The following CETP variants were observed in gnomAD, a reference collection of about 807,000 sequenced individuals.
CETP encodes the protein cholesteryl ester transfer protein.
In CETP, 56 loss-of-function variants were observed where a neutral mutation model predicts 66.5. The observed-to-expected ratio is 0.84, with a 90% CI of 0.68 to 1.05. The LOEUF is 1.05. Ranked by LOEUF, CETP falls within the 50% of genes least tolerant of loss-of-function variation. The pLI, the probability that CETP is intolerant of heterozygous loss-of-function variation, is 0.00. For synonymous variants in CETP, 251 were observed against 245.7 expected, an observed-to-expected ratio of 1.02 and a Z score of -0.20; for missense variants, 612 against 609.6, an observed-to-expected ratio of 1.00 and a Z score of -0.04.
At chr16:56,983,136 C>A (rs2056200433) in intron 14 of CETP, among the ~76,000 whole-genome samples, 190 bp from the exon 15 acceptor site, 1 of 152,210 alleles carries the variant, frequency 6.6e-6, no homozygotes, top group African/African-American at 2.4e-5. Flanking sequence ...GCAAGCCCTG[C>A]CGCCAGGCAA....
intron 2 of CETP, among the ~76,000 whole-genome samples, chr16:56,968,189 A>C (rs1417014467): frequency 6.6e-6 from 1 of 151,786 alleles, no homozygotes; most frequent in African/African-American, 2.4e-5. Context: ...ACGTTTTGTC[A>C]ATCTATTTTT....
At chr16:56,975,804 C>T (rs1365414189) in intron 10 of CETP, among the ~76,000 whole-genome samples, 3 of 152,112 alleles carry the variant, frequency 2.0e-5, no homozygotes, top group Non-Finnish European at 4.4e-5. Context: ...CAGCTGCCCC[C>T]TCCTGTCTAC....
chr16:56,977,278 A>C (rs1391405507), intron 10 of CETP, among the ~76,000 whole-genome samples: 1 of 152,068 alleles, frequency 6.6e-6, no homozygotes, highest in East Asian at 1.9e-4. Context: ...CCAGCGGTTC[A>C]GTGGTTTCTT....
chr16:56,978,327 T>A (rs1185773129), intron 11 of CETP, 72 bp downstream of exon 11: 4 of 1,585,794 alleles, frequency 2.5e-6, no homozygotes, highest in Non-Finnish European at 3.5e-6. Context: ...GGCAGGGGCC[T>A]GGGGGTCTCT....
intron 13 of CETP, 47 bp downstream of exon 13, chr16:56,981,727 C>CT: frequency 6.2e-7 from 1 of 1,601,860 alleles, no homozygotes; most frequent in Non-Finnish European, 8.6e-7. Context: ...TGTGGGACCT[C>CT]CTGCCTTAAA....
rs150048432 is a variant in CETP, at chr16:56,983,205, G to A, written c.1322-121G>A. The A allele has an allele frequency of 3.1e-3, 2,426 of 790,600 alleles. 55 individuals are homozygous for A. The highest frequency in any genetic ancestry group is 0.029 in the South Asian group (2,112 of 72,150). The allele number at this position is 790,600 out of a possible 1,614,324, so 49.0% of individuals were successfully genotyped here. A position where few individuals can be genotyped will look rare whatever the true frequency, so the allele number is the denominator to read the frequency against. On this transcript the variant is annotated intron_variant, in intron 14 of 15. Coordinates refer to ENST00000200676, the MANE Select transcript of CETP (RefSeq NM_000078.3). ...TCACTCTGCTAAATCAAAGTGAAAC[G>A]CATGTTTACAGAATATTGGTCCAAA...
chr16:56,964,802 C>G (rs2056054354), intron 2 of CETP, among the ~76,000 whole-genome samples: 1 of 152,232 alleles, frequency 6.6e-6, no homozygotes, highest in Non-Finnish European at 1.5e-5. Flanking sequence ...CGCAGCCACG[C>G]CCTCTGTGTG....
chr16:56,972,962 C>A (rs1354217924), intron 8 of CETP, among the ~76,000 whole-genome samples: 2 of 152,110 alleles, frequency 1.3e-5, no homozygotes, highest in African/African-American at 4.8e-5. Context: ...ATTTTGGCCT[C>A]CAGGAGCCGA....
chr16:56,981,426 GCCAGGAAGA>G (rs2056186964), intron 12 of CETP, among the ~76,000 whole-genome samples: 2 of 5,610 alleles, frequency 3.6e-4, no homozygotes, highest in Non-Finnish European at 1.8e-3. Flanking sequence ...ATGGAGGGCT[GCCAGGAAGA>G]AGGGCCTGGC....
At position 56,983,706 on chromosome 16, in the gene CETP, G is replaced by A. The variant is rs536257929; in HGVS notation, c.*40G>A. On this transcript the variant is annotated 3_prime_UTR_variant, in exon 16 of 16. Coordinates refer to ENST00000200676, the MANE Select transcript of CETP (RefSeq NM_000078.3). The stretch of plus-strand genomic sequence containing the variant: ...GTCGGGATGGGGCTTGTAGCAGAAG[G>A]CAAGCACCAGGCTCACAGCTGGAAC... The A allele has an allele frequency of 9.5e-6, 15 of 1,578,252 alleles. No homozygotes were observed. The highest frequency in any genetic ancestry group is 1.3e-5 in the Non-Finnish European group (15 of 1,147,346).
At chr16:56,963,989 A>ATTTTTTTT (rs1373005791) in intron 2 of CETP, among the ~76,000 whole-genome samples, 1 of 137,322 alleles carries the variant, frequency 7.3e-6, no homozygotes, top group Admixed American at 7.6e-5. Context: ...CTTAATCTTT[A>ATTTTTTTT]TTTTATTTAT....
At chr16:56,969,202 C>T (rs2056089656) in intron 2 of CETP, among the ~76,000 whole-genome samples, 184 bp from the exon 3 acceptor site, 1 of 152,034 alleles carries the variant, frequency 6.6e-6, no homozygotes, top group Non-Finnish European at 1.5e-5. Flanking sequence ...ATGGGTAACA[C>T]GAGTTGAGTG....
chr16:56,978,321 G>A (rs577710261), intron 11 of CETP, 66 bp downstream of exon 11: 3 of 1,598,982 alleles, frequency 1.9e-6, no homozygotes, highest in Non-Finnish European at 2.6e-6. Context: ...GCAGAGGGCA[G>A]GGGCCTGGGG....
chr16:56,981,591 A>G (rs1442696197), intron 12 of CETP, 56 bp from the exon 13 acceptor site: 2 of 1,568,942 alleles, frequency 1.3e-6, no homozygotes, highest in Non-Finnish European at 1.8e-6. Context: ...TTCCCAGGGG[A>G]TGTTACAGGA....
chr16:56,974,975 T>A (rs2056139236), intron 9 of CETP, 126 bp from the exon 10 acceptor site: 2 of 798,116 alleles, frequency 2.5e-6, no homozygotes, highest in East Asian at 5.0e-5. Context: ...ACATGTTGTC[T>A]GGGAGGTTGG....
chr16:56,981,157 G>A lies in CETP; in HGVS notation c.1147-1G>A, dbSNP rs756059239. The A allele has an allele frequency of 1.2e-6, 2 of 1,612,938 alleles. No homozygotes were observed. Among genetic ancestry groups the A allele is most frequent in the South Asian group, 1.1e-5 (1 of 91,054 alleles). ...ACAGCAAATTTGGTTTCTCTCCCCAGGATATCGTGACTACCGTCCAGGCCT... is the reference window on the plus strand; with the variant it reads ...ACAGCAAATTTGGTTTCTCTCCCCAAGATATCGTGACTACCGTCCAGGCCT... On this transcript the variant is annotated splice_acceptor_variant, in intron 11 of 15. Transcript: ENST00000200676. LOFTEE classifies it high-confidence loss of function.
chr16:56,972,059 C>T lies in CETP; in HGVS notation c.726C>T (p.Ala242=). 1 of 1,614,088 alleles carries T rather than the reference C, an allele frequency of 6.2e-7. No individual in the cohort carries two copies. The highest frequency in any genetic ancestry group is 8.5e-7 in the Non-Finnish European group (1 of 1,179,916). ...ISLTGDPVIT[A]SYLESHHKGH... Reference sequence around the variant, plus strand: ...TGACAGGTGATCCCGTCATCACAGCCTCCTACCTGGAGTCCCATCACAAGG... The same window carrying T: ...TGACAGGTGATCCCGTCATCACAGCTTCCTACCTGGAGTCCCATCACAAGG... Residue 242 remains alanine (A), a synonymous_variant, in exon 8 of 16, where the codon GCC becomes GCT. Transcript: ENST00000200676.
intron 10 of CETP, 37 bp downstream of exon 10, chr16:56,975,188 C>A: frequency 6.3e-7 from 1 of 1,592,354 alleles, no homozygotes; most frequent in Non-Finnish European, 8.6e-7. Context: ...GTTTATCTCA[C>A]GTACCCCAAT....
At chr16:56,969,041 G>A (rs12720866) in intron 2 of CETP, among the ~76,000 whole-genome samples, 81 of 151,682 alleles carry the variant, frequency 5.3e-4, no homozygotes, top group African/African-American at 1.8e-3. Flanking sequence ...GACTCTCTCC[G>A]GGCGTTCTTC....
Sources: gnomAD v4.1 joint callset for allele counts (sites outside exome capture counted in the v4.1 genomes callset) on GRCh38, gnomAD v4.1.1 for gene constraint, MANE v1.5 for transcripts, NCBI Gene and HGNC (gene_info 2026-07-23, HGNC 2026-07-21) for gene names.